Variants in LRGUK observed in about 807,000 individuals in gnomAD.
LRGUK encodes leucine-rich repeat and guanylate kinase domain-containing protein.
LRGUK carries 65 observed loss-of-function variants against 76.0 expected under a neutral mutation model. The ratio of observed to expected loss-of-function variants is 0.85; its 90% CI spans 0.70 to 1.05. The LOEUF (loss-of-function observed/expected upper bound fraction) is 1.05, where lower values mean the gene tolerates loss of function less well. Among genes scored for constraint, LRGUK ranks in the 50% least tolerant of loss-of-function variants. LRGUK has a pLI of 0.00. For missense variants in LRGUK, 758 were observed against 732.8 expected, an observed-to-expected ratio of 1.03 and a Z score of -0.40; for synonymous variants, 268 against 265.6, an observed-to-expected ratio of 1.01 and a Z score of -0.09.
At chr7:134,205,827 T>C (rs1800980981) in intron 15 of LRGUK, among the ~76,000 whole-genome samples, 1 of 152,220 alleles carries the variant, frequency 6.6e-6, no homozygotes, top group African/African-American at 2.4e-5. Context: ...CTGAGGTTTT[T>C]CCCAATTGGA....
At chr7:134,209,741 C>T (rs962463903) in exon 16 of LRGUK, 64 of 399,956 alleles carry the variant, frequency 1.6e-4, no homozygotes, top group Middle Eastern at 1.2e-3. Flanking sequence ...CTCAAAACCA[C>T]CACCAAATCT....
chr7:134,276,412 GCT>G, the LRGUK span, among the ~76,000 whole-genome samples: 1 of 152,054 alleles, frequency 6.6e-6, no homozygotes, highest in African/African-American at 2.4e-5. Context: ...AATTTACTCC[GCT>G]CTGTTTCTTC....
intron 7 of LRGUK, among the ~76,000 whole-genome samples, chr7:134,170,461 T>C (rs1799193427): frequency 6.6e-6 from 1 of 152,096 alleles, no homozygotes; most frequent in African/African-American, 2.4e-5. Context: ...TAAGATCTAG[T>C]GTTCAATAGC....
At chr7:134,223,855 C>T (rs1054505307) in intron 16 of LRGUK, among the ~76,000 whole-genome samples, 7 of 152,186 alleles carry the variant, frequency 4.6e-5, no homozygotes, top group African/African-American at 1.7e-4. Context: ...CGCCTGGCCC[C>T]AAGTGATCCT....
chr7:134,242,925 T>G (rs1015047827), intron 16 of LRGUK, among the ~76,000 whole-genome samples: 1 of 151,982 alleles, frequency 6.6e-6, no homozygotes, highest in Non-Finnish European at 1.5e-5. Flanking sequence ...AGGTAATCCA[T>G]CATATAAACA....
chr7:134,224,068 T>A (rs1190684907), intron 16 of LRGUK, among the ~76,000 whole-genome samples: 5 of 152,224 alleles, frequency 3.3e-5, no homozygotes, highest in Admixed American at 6.5e-5. Flanking sequence ...TCTTTCCAGA[T>A]CAGCCCACAG....
At chr7:134,246,163 C>G (rs1802296372) in intron 16 of LRGUK, among the ~76,000 whole-genome samples, 1 of 152,200 alleles carries the variant, frequency 6.6e-6, no homozygotes, top group African/African-American at 2.4e-5. Flanking sequence ...GAACAGTTGA[C>G]AGCAAATTCT....
At chr7:134,189,703 T>A (rs1367894221) in intron 11 of LRGUK, among the ~76,000 whole-genome samples, 1 of 152,222 alleles carries the variant, frequency 6.6e-6, no homozygotes. Flanking sequence ...GGTGCCAAGC[T>A]ATTGATTTAT....
chr7:134,268,696 T>A (rs1471382451), downstream of LRGUK, among the ~76,000 whole-genome samples: 1 of 140,252 alleles, frequency 7.1e-6, no homozygotes, highest in Non-Finnish European at 1.5e-5. Flanking sequence ...CAAACCAATA[T>A]CACTTATATA....
chr7:134,158,272 A>G, intron 6 of LRGUK, 113 bp downstream of exon 6: 3 of 930,530 alleles, frequency 3.2e-6, no homozygotes, highest in Non-Finnish European at 4.7e-6. Flanking sequence ...TCCTTCATGA[A>G]ATGTTATTGT....
chr7:134,201,594 T>C lies in LRGUK; in HGVS notation c.1843+18T>C. ...AACTGCAGGTACTATTCTATCATTT[T>C]TGTGCCAGGATTTTTTTTTTTTTCA... On this transcript the variant is annotated intron_variant, in intron 15 of 15. Coordinates refer to ENST00000645682, the Ensembl canonical transcript of LRGUK. 2 of 1,586,698 alleles carry C rather than the reference T, an allele frequency of 1.3e-6. No homozygotes were observed. Among genetic ancestry groups the C allele is most frequent in the Non-Finnish European group, 8.6e-7 (1 of 1,165,816 alleles).
chr7:134,191,626 G>A (rs749925742), intron 11 of LRGUK, 29 bp from the exon 12 acceptor site: 15 of 1,402,674 alleles, frequency 1.1e-5, no homozygotes, highest in Admixed American at 1.8e-5. Flanking sequence ...AGTTAGAAAT[G>A]GACTAGGTGA....
chr7:134,232,883 T>G (rs1801935352), intron 16 of LRGUK, among the ~76,000 whole-genome samples: 1 of 152,198 alleles, frequency 6.6e-6, no homozygotes, highest in South Asian at 2.1e-4. Context: ...TAAATGGTAC[T>G]TTTCTGAATG....
At chr7:134,158,981 C>T (rs1281003884) in intron 6 of LRGUK, among the ~76,000 whole-genome samples, 1 of 152,084 alleles carries the variant, frequency 6.6e-6, no homozygotes, top group African/African-American at 2.4e-5. Context: ...AGCCATGAGG[C>T]TTGTAGCTTG....
At chr7:134,186,415 G>T (rs185249870) in intron 11 of LRGUK, among the ~76,000 whole-genome samples, 1 of 152,182 alleles carries the variant, frequency 6.6e-6, no homozygotes. Flanking sequence ...AGGGCAGGGC[G>T]CATGTCAGCC....
intron 1 of LRGUK, among the ~76,000 whole-genome samples, chr7:134,129,681 C>G (rs1797218506): frequency 6.6e-6 from 1 of 151,362 alleles, no homozygotes; most frequent in Admixed American, 6.6e-5. Flanking sequence ...TGCCATATTG[C>G]CTAGGCTGGT....
chr7:134,253,297 G>C (rs1802491248), intron 18 of LRGUK, among the ~76,000 whole-genome samples: 1 of 152,172 alleles, frequency 6.6e-6, no homozygotes, highest in Non-Finnish European at 1.5e-5. Context: ...GTGAAAAGCA[G>C]ACCCGTAATG....
At chr7:134,134,955 G>A (rs1335515092) in intron 1 of LRGUK, among the ~76,000 whole-genome samples, 2 of 152,108 alleles carry the variant, frequency 1.3e-5, no homozygotes, top group African/African-American at 4.8e-5. Flanking sequence ...AAAAGAAGGT[G>A]TTGGGAAGGA....
intron 3 of LRGUK, among the ~76,000 whole-genome samples, chr7:134,140,729 A>T (rs1158049150): frequency 1.5e-4 from 23 of 152,076 alleles, no homozygotes. Context: ...CTTTTTAACG[A>T]TTAAGAAATA....
Sources: allele counts gnomAD v4.1 joint callset (sites outside exome capture counted in the v4.1 genomes callset), GRCh38; gene constraint gnomAD v4.1.1; transcripts MANE v1.5; gene names NCBI Gene and HGNC (gene_info 2026-07-23, HGNC 2026-07-21).